The following RABL2B variants were observed in gnomAD, a reference collection of about 807,000 sequenced individuals.
The protein encoded by RABL2B is rab-like protein 2B.
Under a neutral mutation model 26.7 loss-of-function variants are expected in RABL2B, and 17 were observed. The ratio of observed to expected loss-of-function variants is 0.64; its 90% CI spans 0.44 to 0.95. The LOEUF is 0.95. RABL2B is among the 40% of genes least tolerant of loss of function. RABL2B has a pLI of 0.00. For missense variants in RABL2B, 170 were observed against 277.2 expected, an observed-to-expected ratio of 0.61 and a Z score of 2.75; for synonymous variants, 70 against 103.9, an observed-to-expected ratio of 0.67 and a Z score of 1.99.
Position 50,770,961 on chromosome 22 carries a change from C to G in RABL2B, c.298-945G>C, listed in dbSNP as rs1416236416. 2.0e-5 allele frequency among the ~76,000 whole-genome samples: 3 copies of G among 149,044 alleles called. No individual in the cohort carries two copies. In the East Asian group the frequency reaches 5.9e-4, roughly 29 times the overall value. On this transcript the variant is annotated intron_variant, in intron 5 of 8. Transcript: ENST00000691320. The stretch of plus-strand genomic sequence containing the variant: ...CTCCCTATGTTACCCAGGCTCATCT[C>G]AAACTCTTGGCCTCAAGGGATCCTC...
chr22:50,769,945 C>G lies in RABL2B; in HGVS notation c.369G>C (p.Arg123Ser). ...STWYTELREF[R>S]PEIPCIVVAN... ...CCACCACGATGCATGGGATCTCTGG[C>G]CTGAACTCCCGAAGCTCTGTATACC... Residue 123 changes from arginine (R) to serine (S), a missense_variant, in exon 6 of 9, where the codon AGG becomes AGC. Physicochemically the swap from Arg to Ser is moderately radical, Grantham distance 110. This residue lies in a region of RABL2B where 165 missense variants were observed against 232.0 expected (regional missense o/e 0.71). Coordinates refer to ENST00000691320, the MANE Select transcript of RABL2B (RefSeq NM_001130919.3). 6.2e-7 allele frequency: 1 copy of G among 1,613,684 alleles called. No individual in the cohort carries two copies. Among genetic ancestry groups the G allele is most frequent in the Admixed American group, 1.7e-5 (1 of 59,990 alleles).
chr22:50,772,807 C>G (rs1455327645), intron 5 of RABL2B: 1 of 1,143,538 alleles, frequency 8.7e-7, no homozygotes, highest in Non-Finnish European at 1.1e-6. Flanking sequence ...GCCTTTTGTC[C>G]AGGTCTGGTT....
chr22:50,781,343 CA>C (rs1205230491), intron 2 of RABL2B, among the ~76,000 whole-genome samples: 8,336 of 59,494 alleles, frequency 0.14, 198 homozygotes, highest in Admixed American at 0.16. Context: ...GACTCCGTCT[CA>C]AAAAAAAAAA....
At chr22:50,770,707 C>A (rs2595120) in intron 5 of RABL2B, among the ~76,000 whole-genome samples, 3 of 150,464 alleles carry the variant, frequency 2.0e-5, no homozygotes, top group African/African-American at 7.3e-5. Flanking sequence ...CTGTAGTAAC[C>A]GTAAATGTTT....
chr22:50,781,400 A>AAGAGAGAGAGAGAGAGAGAG (rs3044691), intron 2 of RABL2B, among the ~76,000 whole-genome samples: 37 of 141,814 alleles, frequency 2.6e-4, no homozygotes, highest in East Asian at 6.2e-4. Flanking sequence ...TGTGGTGGGG[A>AAGAGAGAGAGAGAGAGAGAG]AGAGAGAGAG....
chr22:50,781,399 G>GAAGAGAGAGA (rs1313445573), intron 2 of RABL2B, among the ~76,000 whole-genome samples: 12 of 96,122 alleles, frequency 1.2e-4, no homozygotes, highest in Non-Finnish European at 1.9e-4. Flanking sequence ...GTGTGGTGGG[G>GAAGAGAGAGA]AAGAGAGAGA....
chr22:50,775,906 C>G (rs1431698635), intron 4 of RABL2B, 55 bp from the exon 5 acceptor site: 3 of 1,613,286 alleles, frequency 1.9e-6, no homozygotes, highest in African/African-American at 2.7e-5. Flanking sequence ...GTGCAAGTCA[C>G]TAAGATACAA....
At chr22:50,774,226 T>C (rs1377797564) in intron 5 of RABL2B, among the ~76,000 whole-genome samples, 1 of 152,098 alleles carries the variant, frequency 6.6e-6, no homozygotes, top group Non-Finnish European at 1.5e-5. Flanking sequence ...ATGCCAACAA[T>C]GGTGGCAACC....
rs372640796 is a variant in RABL2B, at chr22:50,776,660, T to A, written c.217+10A>T. ...TGAGGGTCAGCATGTCTTGGCCCTG[T>A]GCCACTTACCCACAAGGATGGTCCT... On this transcript the variant is annotated intron_variant, in intron 4 of 8. Transcript: ENST00000691320. 1 of 1,602,486 alleles carries A rather than the reference T, an allele frequency of 6.2e-7. No individual in the cohort carries two copies. The highest frequency in any genetic ancestry group is 1.3e-5 in the African/African-American group (1 of 74,570).
chr22:50,773,902 ATTTT>A (rs370565257), intron 5 of RABL2B, among the ~76,000 whole-genome samples: 1 of 149,770 alleles, frequency 6.7e-6, no homozygotes, highest in Non-Finnish European at 1.5e-5. Context: ...GGCAGACTTT[ATTTT>A]TTTTTTGAGA....
rs1284855587 is a variant in RABL2B at position 50,772,390 on chromosome 22, G to A, written c.298-2374C>T. 6.1e-6 allele frequency: 6 copies of A among 985,524 alleles called. No individual in the cohort carries two copies. In the African/African-American group the frequency reaches 8.7e-5, roughly 14 times the overall value. 61.0% of individuals were successfully genotyped at this position (985,524 alleles called of 1,614,324 possible). A position where few individuals can be genotyped will look rare whatever the true frequency, so the allele number is the denominator to read the frequency against. On this transcript the variant is annotated intron_variant, in intron 5 of 8. Coordinates refer to ENST00000691320, the MANE Select transcript of RABL2B (RefSeq NM_001130919.3). ...GAGCACTGCAAACCAGCTCTTAAGG[G>A]CAGAACTCTGAAAGACAACTGAGCT...
At chr22:50,778,017 C>G in intron 2 of RABL2B, 36 bp from the exon 3 acceptor site, 1 of 1,614,050 alleles carries the variant, frequency 6.2e-7, no homozygotes, top group Non-Finnish European at 8.5e-7. Flanking sequence ...CAGATGGCGT[C>G]TCCATCTCTC....
In RABL2B at chr22:50,768,700, T is replaced by C; in HGVS notation, c.*76A>G. 4.7e-6 allele frequency: 7 copies of C among 1,500,862 alleles called. No homozygotes were observed. In the South Asian group the frequency reaches 9.6e-5, roughly 21 times the overall value. 93.0% of individuals were successfully genotyped at this position (1,500,862 alleles called of 1,614,324 possible). A position where few individuals can be genotyped will look rare whatever the true frequency, so the allele number is the denominator to read the frequency against. On this transcript the variant is annotated 3_prime_UTR_variant, in exon 9 of 9. Transcript: ENST00000691320. ...AGAAGAGGGGATGGCCTAGAGAGTT[T>C]CTCCATTCAGAGCTGGAGAGTTGTT...
chr22:50,775,828 C>T lies in RABL2B; in HGVS notation c.241G>A (p.Glu81Lys). 6.2e-6 allele frequency: 10 copies of T among 1,614,196 alleles called. No homozygotes were observed. Among genetic ancestry groups the T allele is most frequent in the Non-Finnish European group, 7.6e-6 (9 of 1,180,032 alleles). ...LVDFWDTAGQERFQSMHASYY... is the reference protein window; with the variant it reads ...LVDFWDTAGQKRFQSMHASYY... ...GAGGCATGCATGCTCTGGAACCGCT[C>T]CTGGCCTGCCGTGTCCCAAAAGTCT... Residue 81 changes from glutamate (E) to lysine (K), a missense_variant, in exon 5 of 9, where the codon GAG becomes AAG. Physicochemically the swap from Glu to Lys is moderately conservative, Grantham distance 56 (BLOSUM62 1). Transcript: ENST00000691320.
At chr22:50,777,359 T>A (rs1226323754) in intron 3 of RABL2B, among the ~76,000 whole-genome samples, 1 of 149,696 alleles carries the variant, frequency 6.7e-6, no homozygotes. Context: ...ACTCAGATCT[T>A]AAGGCAACTG....
intron 1 of RABL2B, 21 bp downstream of exon 1, chr22:50,783,480 C>G (rs1226089399): frequency 6.6e-6 from 1 of 152,172 alleles, no homozygotes; most frequent in East Asian, 1.9e-4. Flanking sequence ...AAGCCAGCCA[C>G]CGGGGCGGAT....
intron 2 of RABL2B, among the ~76,000 whole-genome samples, chr22:50,778,291 C>G (rs560328322): frequency 2.7e-5 from 4 of 150,584 alleles, no homozygotes; most frequent in Non-Finnish European, 5.9e-5. Context: ...GAAACAGAGG[C>G]CAGGCCAAAG....
At chr22:50,781,645 C>T (rs528777014) in intron 2 of RABL2B, among the ~76,000 whole-genome samples, 23 of 152,218 alleles carry the variant, frequency 1.5e-4, no homozygotes, top group Admixed American at 2.0e-4. Context: ...CAGTCCTAGG[C>T]GTGAGAACTA....
chr22:50,780,805 T>G, intron 2 of RABL2B: 1 of 466,252 alleles, frequency 2.1e-6, no homozygotes, highest in Non-Finnish European at 4.5e-6. Flanking sequence ...ATGAGGCATA[T>G]AAAGAGACTA....
Sources: gnomAD v4.1 joint callset for allele counts (sites outside exome capture counted in the v4.1 genomes callset) on GRCh38, gnomAD v4.1.1 for gene constraint, gnomAD v4.1.1 regional missense constraint, MANE v1.5 for transcripts, NCBI Gene and HGNC (gene_info 2026-07-23, HGNC 2026-07-21) for gene names.